SCUBE2: variants seen among roughly 807,000 people sequenced by gnomAD.
SCUBE2 encodes signal peptide, CUB domain and EGF like domain containing 2.
SCUBE2 carries 114 observed loss-of-function variants against 125.9 expected under a neutral mutation model. That is an observed-to-expected ratio of 0.91 (90% CI 0.78 to 1.06). The LOEUF is 1.06. Ranked by LOEUF, SCUBE2 falls within the 50% of genes least tolerant of loss-of-function variation. The pLI is 0.00. For synonymous variants in SCUBE2, 459 were observed against 492.9 expected (o/e 0.93, Z 0.91); for missense variants, 1,255 against 1,301.8 (o/e 0.96, Z 0.55).
intron 2 of SCUBE2, 31 bp downstream of exon 2, chr11:9,089,676 A>G (rs756463686): frequency 1.2e-6 from 2 of 1,609,314 alleles, no homozygotes; most frequent in Non-Finnish European, 8.5e-7. Context: ...GCTTCCCTAC[A>G]GTCCCCCCAC....
chr11:9,044,509 G>C (rs1195820634), intron 16 of SCUBE2, among the ~76,000 whole-genome samples: 1 of 152,170 alleles, frequency 6.6e-6, no homozygotes, highest in African/African-American at 2.4e-5. Context: ...TGGGATTACA[G>C]ATGTGAGCCA....
At chr11:9,070,625 A>G (rs1414738500) in intron 4 of SCUBE2, among the ~76,000 whole-genome samples, 1 of 152,216 alleles carries the variant, frequency 6.6e-6, no homozygotes, top group Non-Finnish European at 1.5e-5. Flanking sequence ...CACGAGTACA[A>G]AAAGGTTGCT....
intron 2 of SCUBE2, among the ~76,000 whole-genome samples, chr11:9,085,474 C>T (rs1295318676): frequency 6.6e-6 from 1 of 152,062 alleles, no homozygotes; most frequent in South Asian, 2.1e-4. Context: ...TGCATGTAAT[C>T]CCAGCACTTT....
chr11:9,023,890 G>A (rs747851489), intron 21 of SCUBE2, among the ~76,000 whole-genome samples: 6 of 152,162 alleles, frequency 3.9e-5, no homozygotes, highest in Admixed American at 6.5e-5. Context: ...AGTTCTCACC[G>A]TTGTCCAGCG....
intron 1 of SCUBE2, among the ~76,000 whole-genome samples, chr11:9,090,557 T>C (rs867950356): frequency 3.9e-5 from 6 of 151,956 alleles, no homozygotes; most frequent in African/African-American, 7.3e-5. Flanking sequence ...ATTCTTCTTC[T>C]TCCACTGTGG....
chr11:9,037,530 C>G (rs1161868737), intron 16 of SCUBE2, among the ~76,000 whole-genome samples: 1 of 152,210 alleles, frequency 6.6e-6, no homozygotes, highest in Non-Finnish European at 1.5e-5. Flanking sequence ...GGGTCACCCT[C>G]TAGTATTTGA....
chr11:9,032,914 T>C (rs1856436655), intron 17 of SCUBE2, among the ~76,000 whole-genome samples: 1 of 152,060 alleles, frequency 6.6e-6, no homozygotes, highest in Non-Finnish European at 1.5e-5. Flanking sequence ...TTTGGAGTTA[T>C]TTAGGTGGGA....
At position 9,027,394 on chromosome 11, in the gene SCUBE2, A is replaced by C. The variant is rs777850742; in HGVS notation, c.2671T>G (p.Cys891Gly). The change falls in exon 20 of 23, where the codon TGT becomes GGT. Residue 891 changes from cysteine to glycine, a missense_variant. By Grantham distance (159) the Cys-to-Gly change is radical (BLOSUM62 -3). Around this residue, in one of 3 missense-constraint regions of SCUBE2, gnomAD observed 515 missense variants for 515.7 expected, o/e 1.00. Coordinates refer to ENST00000649792, the MANE Select transcript of SCUBE2 (RefSeq NM_001367977.2). Reference sequence around the variant, plus strand: ...TTCCGCATCACCAGATAGTCCCCACAGTCGTCCTCTATGGGCAGGAAGATC... The same window carrying C: ...TTCCGCATCACCAGATAGTCCCCACCGTCGTCCTCTATGGGCAGGAAGATC... ...PEIFLPIEDD[C>G]GDYLVMRKTS... 1.9e-6 allele frequency: 3 copies of C among 1,614,020 alleles called. No individual in the cohort carries two copies. Among genetic ancestry groups the C allele is most frequent in the Admixed American group, 3.3e-5 (2 of 60,008 alleles).
At chr11:9,050,508 TG>T in intron 14 of SCUBE2, 97 bp downstream of exon 14, 1 of 883,146 alleles carries the variant, frequency 1.1e-6, no homozygotes, top group Non-Finnish European at 1.9e-6. Context: ...TTGGATCGGC[TG>T]GACAGCCCCT....
chr11:9,034,406 C>CACAGGT (rs1236471783), intron 16 of SCUBE2, among the ~76,000 whole-genome samples: 3 of 152,116 alleles, frequency 2.0e-5, no homozygotes, highest in Non-Finnish European at 4.4e-5. Context: ...ATTTTATTGT[C>CACAGGT]ACAGGTAAAG....
chr11:9,030,939 T>C lies in SCUBE2; in HGVS notation c.2174-14A>G, dbSNP rs765535853. 1 of 1,608,234 alleles carries C rather than the reference T, an allele frequency of 6.2e-7. No homozygotes were observed. The highest frequency in any genetic ancestry group is 8.5e-7 in the Non-Finnish European group (1 of 1,176,416). On this transcript the variant is annotated splice_polypyrimidine_tract_variant and intron_variant, in intron 17 of 22. Coordinates refer to ENST00000649792, the MANE Select transcript of SCUBE2 (RefSeq NM_001367977.2). ...GTTGACACAGACCTGGAAGGACCAA[T>C]AGCCTTACGTGAGCAAGGCCTCCAG...
At chr11:9,042,258 C>G (rs1222887267) in intron 16 of SCUBE2, among the ~76,000 whole-genome samples, 1 of 152,144 alleles carries the variant, frequency 6.6e-6, no homozygotes, top group Non-Finnish European at 1.5e-5. Context: ...TGTCACTCAG[C>G]GGCAGCATCC....
intron 10 of SCUBE2, 42 bp downstream of exon 10, chr11:9,055,751 A>G: frequency 6.5e-7 from 1 of 1,533,170 alleles, no homozygotes; most frequent in East Asian, 2.2e-5. Flanking sequence ...CTCCAGGCCC[A>G]GCCTCATTCC....
At chr11:9,068,863 T>C (rs1385234808) in intron 5 of SCUBE2, among the ~76,000 whole-genome samples, 1 of 152,248 alleles carries the variant, frequency 6.6e-6, no homozygotes, top group African/African-American at 2.4e-5. Flanking sequence ...GTAGCTATTA[T>C]GCTTATCCTT....
intron 9 of SCUBE2, among the ~76,000 whole-genome samples, chr11:9,058,765 G>A (rs1859371797): frequency 6.6e-6 from 1 of 151,884 alleles, no homozygotes; most frequent in African/African-American, 2.4e-5. Context: ...CTCCAGCCTG[G>A]GCAACAGAGT....
At chr11:9,085,000 G>A (rs561043623) in intron 2 of SCUBE2, among the ~76,000 whole-genome samples, 51 of 152,168 alleles carry the variant, frequency 3.4e-4, no homozygotes, top group African/African-American at 1.1e-3. Context: ...TCCCTCCTTG[G>A]CATCTCAAAG....
chr11:9,025,871 G>C lies in SCUBE2; in HGVS notation c.2702-17C>G. The C allele has an allele frequency of 6.2e-7, 1 of 1,612,134 alleles. No homozygotes were observed. The highest frequency in any genetic ancestry group is 8.5e-7 in the Non-Finnish European group (1 of 1,178,948). On this transcript the variant is annotated splice_polypyrimidine_tract_variant and intron_variant, in intron 20 of 22. Coordinates refer to ENST00000649792, the MANE Select transcript of SCUBE2 (RefSeq NM_001367977.2). ...TGGATGAAGCTGCCAAGGGAAGTTGGAGAAGGGTGGGGTTCAAGACTCATC... is the reference window on the plus strand; with the variant it reads ...TGGATGAAGCTGCCAAGGGAAGTTGCAGAAGGGTGGGGTTCAAGACTCATC...
At chr11:9,086,648 T>G (rs1862092052) in intron 2 of SCUBE2, among the ~76,000 whole-genome samples, 1 of 151,464 alleles carries the variant, frequency 6.6e-6, no homozygotes, top group Non-Finnish European at 1.5e-5. Context: ...AGGTCAGGAG[T>G]TCGAGACCAG....
chr11:9,051,961 C>G (rs1456871434), intron 13 of SCUBE2, among the ~76,000 whole-genome samples: 1 of 152,150 alleles, frequency 6.6e-6, no homozygotes, highest in Non-Finnish European at 1.5e-5. Context: ...GACTCTGGAC[C>G]CAGACTGCCT....
Sources: gnomAD v4.1 joint callset for allele counts (sites outside exome capture counted in the v4.1 genomes callset) on GRCh38, gnomAD v4.1.1 for gene constraint, gnomAD v4.1.1 regional missense constraint, MANE v1.5 for transcripts, NCBI Gene and HGNC (gene_info 2026-07-23, HGNC 2026-07-21) for gene names.